The following CDK14 variants were observed in gnomAD, a reference collection of about 807,000 sequenced individuals.
CDK14 encodes the protein cyclin dependent kinase 14.
A neutral mutation model predicts 60.7 loss-of-function variants in CDK14; 34 were observed. The observed-to-expected ratio is 0.56, with a 90% CI of 0.43 to 0.75. CDK14 has a LOEUF of 0.75. Among genes scored for constraint, CDK14 ranks in the 30% least tolerant of loss-of-function variants. The pLI is 0.00. For synonymous variants in CDK14, 197 were observed against 203.7 expected (o/e 0.97, Z 0.28); for missense variants, 482 against 564.1 (o/e 0.85, Z 1.47).
chr7:90,841,659 T>TACACACACACACACACACACAC lies in CDK14; in HGVS notation c.545-21504_545-21483dup, dbSNP rs57434660. Among the ~76,000 whole-genome samples, 969 of 139,370 alleles carry TACACACACACACACACACACAC rather than the reference T, an allele frequency of 7.0e-3. 13 individuals are homozygous for TACACACACACACACACACACAC. Among genetic ancestry groups the TACACACACACACACACACACAC allele is most frequent in the South Asian group, 0.011 (44 of 4,116 alleles). The allele number at this position is 139,370 out of a possible 152,430, so 91.4% of individuals were successfully genotyped here. A position where few individuals can be genotyped will look rare whatever the true frequency, so the allele number is the denominator to read the frequency against. ...GATATTTTCATCATATATATATATG[T>TACACACACACACACACACACAC]ACACACACACACACACACACACACA... On this transcript the variant is annotated intron_variant, in intron 5 of 14. Coordinates refer to ENST00000380050, the MANE Select transcript of CDK14 (RefSeq NM_001287135.2).
chr7:90,978,152 G>A (rs1795130227), intron 9 of CDK14, among the ~76,000 whole-genome samples: 1 of 152,108 alleles, frequency 6.6e-6, no homozygotes, highest in African/African-American at 2.4e-5. Context: ...TCTTGGGATG[G>A]GAAAGAGTGT....
intron 8 of CDK14, among the ~76,000 whole-genome samples, chr7:90,948,549 C>A (rs567794885): frequency 6.6e-6 from 1 of 152,328 alleles, no homozygotes; most frequent in South Asian, 2.1e-4. Context: ...CAGGAGTCAG[C>A]AAACTTTTTC....
At chr7:90,938,121 G>A (rs1408977961) in intron 8 of CDK14, among the ~76,000 whole-genome samples, 3 of 152,192 alleles carry the variant, frequency 2.0e-5, no homozygotes, top group Non-Finnish European at 4.4e-5. Context: ...ACCACTAACT[G>A]ATAAAATGTT....
intron 14 of CDK14, among the ~76,000 whole-genome samples, chr7:91,206,927 TGGTG>T (rs1802918870): frequency 1.3e-5 from 2 of 152,302 alleles, no homozygotes; most frequent in Non-Finnish European, 2.9e-5. Flanking sequence ...CCAATTCAGT[TGGTG>T]GAGTTAAATG....
intron 10 of CDK14, among the ~76,000 whole-genome samples, chr7:90,987,293 A>G (rs1450218389): frequency 6.6e-6 from 1 of 152,042 alleles, no homozygotes; most frequent in Non-Finnish European, 1.5e-5. Context: ...TAAATTTCCC[A>G]TGGGATTATT....
chr7:91,062,653 A>C (rs759694502), intron 11 of CDK14, among the ~76,000 whole-genome samples: 3 of 152,190 alleles, frequency 2.0e-5, no homozygotes, highest in African/African-American at 7.2e-5. Flanking sequence ...CTGTGTATCA[A>C]ATGCTTTCAT....
At chr7:91,153,766 A>G (rs1351346185) in intron 14 of CDK14, among the ~76,000 whole-genome samples, 1 of 152,174 alleles carries the variant, frequency 6.6e-6, no homozygotes, top group Non-Finnish European at 1.5e-5. Flanking sequence ...GGATCAGGAA[A>G]AATAACTAAT....
intron 11 of CDK14, among the ~76,000 whole-genome samples, chr7:91,066,693 ACAATATGCAG>A: frequency 6.6e-6 from 1 of 152,220 alleles, no homozygotes; most frequent in South Asian, 2.1e-4. Context: ...AAGGGACTTT[ACAATATGCAG>A]CATTGTTCTC....
intron 10 of CDK14, among the ~76,000 whole-genome samples, chr7:91,031,978 A>G (rs766127418): frequency 6.6e-6 from 1 of 152,158 alleles, no homozygotes; most frequent in East Asian, 1.9e-4. Flanking sequence ...CCTTGCATAC[A>G]TAAGCCTCTC....
chr7:91,156,664 G>T (rs10226941), intron 14 of CDK14, among the ~76,000 whole-genome samples: 5,132 of 152,236 alleles, frequency 0.034, 274 homozygotes, highest in African/African-American at 0.11. Context: ...TATTTTTAAT[G>T]GTGGGAGGAT....
intron 5 of CDK14, among the ~76,000 whole-genome samples, chr7:90,836,031 A>G (rs985789118): frequency 6.6e-6 from 1 of 152,222 alleles, no homozygotes; most frequent in Non-Finnish European, 1.5e-5. Flanking sequence ...AGCACTTACC[A>G]TGAATGGAGC....
In CDK14 at chr7:90,779,049, C is replaced by T. The variant is rs144378000; in HGVS notation, c.465-11524C>T. 8.4e-3 allele frequency among the ~76,000 whole-genome samples: 1,283 copies of T among 151,940 alleles called. 27 individuals are homozygous for T. Among genetic ancestry groups the T allele is most frequent in the African/African-American group, 0.027 (1,114 of 41,412 alleles). On this transcript the variant is annotated intron_variant, in intron 4 of 14. Transcript: ENST00000380050. ...GTGGATCATAGTGAGTTCAGGTGTT[C>T]GAGACCAGCCTGGCCAACATGGTGA...
chr7:90,629,424 C>G (rs1010556606), intron 2 of CDK14, among the ~76,000 whole-genome samples: 4 of 152,234 alleles, frequency 2.6e-5, no homozygotes, highest in Non-Finnish European at 5.9e-5. Context: ...TAGTGTCTCA[C>G]TAGCACTGGG....
At chr7:90,748,506 T>G (rs1264007306) in intron 4 of CDK14, among the ~76,000 whole-genome samples, 1 of 152,238 alleles carries the variant, frequency 6.6e-6, no homozygotes, top group Admixed American at 6.5e-5. Flanking sequence ...TGTTTTACCT[T>G]TATAACTTTA....
intron 13 of CDK14, among the ~76,000 whole-genome samples, chr7:91,114,990 A>T (rs1303599825): frequency 1.3e-5 from 2 of 152,182 alleles, no homozygotes; most frequent in African/African-American, 4.8e-5. Flanking sequence ...TTATAATTAA[A>T]TTTCATATTA....
chr7:90,754,628 G>A (rs1199508305), intron 4 of CDK14, among the ~76,000 whole-genome samples: 1 of 152,120 alleles, frequency 6.6e-6, no homozygotes, highest in African/African-American at 2.4e-5. Context: ...AAATTGATAA[G>A]TGGGACCTAA....
chr7:90,778,510 C>T (rs1805147257), intron 4 of CDK14, among the ~76,000 whole-genome samples: 2 of 152,306 alleles, frequency 1.3e-5, no homozygotes, highest in East Asian at 1.9e-4. Flanking sequence ...CACACCATAG[C>T]GAGTGAGCTG....
At chr7:90,732,658 T>A (rs1405866525) in intron 3 of CDK14, among the ~76,000 whole-genome samples, 1 of 152,192 alleles carries the variant, frequency 6.6e-6, no homozygotes, top group Non-Finnish European at 1.5e-5. Flanking sequence ...CTGATAGTAG[T>A]TTGTATTTCT....
intron 2 of CDK14, among the ~76,000 whole-genome samples, chr7:90,648,164 G>A (rs1013473274): frequency 2.0e-5 from 3 of 152,128 alleles, no homozygotes; most frequent in Admixed American, 2.0e-4. Context: ...TGTCTTGGAG[G>A]TTGCGGTCAA....
Sources: gnomAD v4.1 joint callset for allele counts (sites outside exome capture counted in the v4.1 genomes callset) on GRCh38, gnomAD v4.1.1 for gene constraint, MANE v1.5 for transcripts, NCBI Gene and HGNC (gene_info 2026-07-23, HGNC 2026-07-21) for gene names.